The following ITPR1 variants were observed in gnomAD, a reference collection of about 807,000 sequenced individuals.
ITPR1 encodes inositol 1,4,5-trisphosphate receptor type 1, also known as inositol 1,4,5-trisphosphate-gated calcium channel ITPR1.
In ITPR1, 96 loss-of-function variants were observed where a neutral mutation model predicts 318.4. The observed-to-expected ratio is 0.30, with a 90% confidence interval of 0.26 to 0.36. The LOEUF is 0.36. ITPR1 is among the 10% of genes least tolerant of loss of function. The probability of loss-of-function intolerance (pLI) is 1.00; values close to 1 mark genes in which losing one functional copy is unlikely to be tolerated. For synonymous variants in ITPR1, 1,312 were observed against 1,289.9 expected, an observed-to-expected ratio of 1.02 and a Z score of -0.37; for missense variants, 2,440 against 3,460.2, an observed-to-expected ratio of 0.71 and a Z score of 7.40.
intron 12 of ITPR1, among the ~76,000 whole-genome samples, chr3:4,657,562 G>A (rs1022092511): frequency 2.0e-5 from 3 of 151,504 alleles, no homozygotes; most frequent in African/African-American, 4.9e-5. Flanking sequence ...CTGCCGCCCA[G>A]GTTCAAGTGA....
chr3:4,657,296 A>G (rs1335181222), intron 12 of ITPR1, among the ~76,000 whole-genome samples: 1 of 152,014 alleles, frequency 6.6e-6, no homozygotes, highest in African/African-American at 2.4e-5. Context: ...TTATCACTGT[A>G]GATGAATCCA....
At chr3:4,761,038 A>T (rs1015192552) in intron 44 of ITPR1, among the ~76,000 whole-genome samples, 1 of 152,116 alleles carries the variant, frequency 6.6e-6, no homozygotes, top group African/African-American at 2.4e-5. Context: ...CCTAATCAAG[A>T]CATTTATTTT....
intron 4 of ITPR1, among the ~76,000 whole-genome samples, chr3:4,566,604 GCACACACACACA>G (rs57756103): frequency 8.5e-5 from 12 of 140,898 alleles, no homozygotes; most frequent in Non-Finnish European, 1.2e-4. Context: ...GGGGACACAT[GCACACACACACA>G]CACACACACA....
rs982054565 is a variant in ITPR1 at position 4,690,911 on chromosome 3, T to G, written c.3829-233T>G. Among the ~76,000 whole-genome samples the G allele has an allele frequency of 3.9e-5, 6 of 152,354 alleles. No homozygotes were observed. In the South Asian group the frequency reaches 1.2e-3, roughly 32 times the overall value. ...TGTTCAAGGTCCCTTTATAATCTATTCAGCTGAATGCTAATGAGTTGTTTA... is the reference window on the plus strand; with the variant it reads ...TGTTCAAGGTCCCTTTATAATCTATGCAGCTGAATGCTAATGAGTTGTTTA... On this transcript the variant is annotated intron_variant, in intron 31 of 61. Coordinates refer to ENST00000649015, the MANE Select transcript of ITPR1 (RefSeq NM_001378452.1).
intron 15 of ITPR1, among the ~76,000 whole-genome samples, 153 bp from the exon 16 acceptor site, chr3:4,662,912 A>G (rs1218499270): frequency 6.6e-6 from 1 of 152,028 alleles, no homozygotes; most frequent in Non-Finnish European, 1.5e-5. Context: ...ACTCTCTTTG[A>G]TACTTGGCTT....
rs557822124 is a variant in ITPR1, at chr3:4,714,285, T to C, written c.5103+2417T>C. 5.3e-5 allele frequency among the ~76,000 whole-genome samples: 8 copies of C among 152,220 alleles called. No individual in the cohort carries two copies. In the South Asian group the frequency reaches 1.7e-3, roughly 32 times the overall value. ...ATAATAAATGAGGTGTTCTTTGGCC[T>C]GGGTGCTGAGGACGACACCACGGTG... On this transcript the variant is annotated intron_variant, in intron 39 of 61. Coordinates refer to ENST00000649015, the MANE Select transcript of ITPR1 (RefSeq NM_001378452.1).
At chr3:4,789,701 C>A (rs1346669467) in intron 52 of ITPR1, among the ~76,000 whole-genome samples, 1 of 152,134 alleles carries the variant, frequency 6.6e-6, no homozygotes, top group Non-Finnish European at 1.5e-5. Flanking sequence ...GTCACTGCAA[C>A]CTCCACCTCC....
chr3:4,671,820 T>C (rs901856), intron 20 of ITPR1: 129,811 of 152,286 alleles, frequency 0.85, 55,493 homozygotes, highest in Non-Finnish European at 0.88. Flanking sequence ...CTTTCATTCA[T>C]GTGTGATGTA....
At chr3:4,818,891 G>T (rs886975834) in intron 60 of ITPR1, among the ~76,000 whole-genome samples, 1 of 152,168 alleles carries the variant, frequency 6.6e-6, no homozygotes, top group Admixed American at 6.5e-5. Context: ...GGTGTCCCGG[G>T]CCAGCTGTCC....
At chr3:4,509,803 A>G (rs1329467343) in intron 2 of ITPR1, among the ~76,000 whole-genome samples, 2 of 152,202 alleles carry the variant, frequency 1.3e-5, no homozygotes, top group African/African-American at 2.4e-5. Flanking sequence ...ACTCTAAAAA[A>G]CAAAACCAGT....
chr3:4,730,155 A>G (rs139764603), intron 42 of ITPR1, among the ~76,000 whole-genome samples: 6 of 148,622 alleles, frequency 4.0e-5, no homozygotes, highest in East Asian at 1.9e-4. Flanking sequence ...TTCCTTTTCT[A>G]TCCCCTCTTA....
chr3:4,787,049 A>T (rs1162013108), intron 51 of ITPR1, among the ~76,000 whole-genome samples: 1 of 152,128 alleles, frequency 6.6e-6, no homozygotes, highest in African/African-American at 2.4e-5. Context: ...AATAAAATTA[A>T]ATATTCTGCC....
chr3:4,567,740 T>C (rs2087492168), intron 4 of ITPR1, among the ~76,000 whole-genome samples: 1 of 152,158 alleles, frequency 6.6e-6, no homozygotes, highest in Non-Finnish European at 1.5e-5. Flanking sequence ...TAGCTGGGAC[T>C]ACAGGCATGC....
chr3:4,782,944 A>G (rs1374395714), intron 50 of ITPR1, among the ~76,000 whole-genome samples: 3 of 152,204 alleles, frequency 2.0e-5, no homozygotes, highest in African/African-American at 7.2e-5. Flanking sequence ...CCACAGTGAT[A>G]GGGTCATGTA....
chr3:4,594,313 C>G (rs80253153), intron 4 of ITPR1, among the ~76,000 whole-genome samples: 1 of 152,160 alleles, frequency 6.6e-6, no homozygotes, highest in African/African-American at 2.4e-5. Flanking sequence ...AAAATCCCAT[C>G]GTGATGGGCT....
At chr3:4,705,675 C>T (rs761692561) in intron 36 of ITPR1, among the ~76,000 whole-genome samples, 5 of 152,042 alleles carry the variant, frequency 3.3e-5, no homozygotes, top group South Asian at 4.1e-4. Context: ...TTTTTTAAGA[C>T]GAAGAAAGAA....
At chr3:4,656,906 G>A (rs1485790633) in intron 12 of ITPR1, among the ~76,000 whole-genome samples, 5 of 152,212 alleles carry the variant, frequency 3.3e-5, no homozygotes, top group East Asian at 1.9e-4. Flanking sequence ...CGGGCTGAGC[G>A]CGAGCTGGCC....
At chr3:4,662,288 A>G in intron 15 of ITPR1, 46 bp downstream of exon 15, 1 of 1,429,930 alleles carries the variant, frequency 7.0e-7, no homozygotes, top group Non-Finnish European at 9.3e-7. Flanking sequence ...CCGCACTGAG[A>G]GTTTCTGACA....
At chr3:4,595,015 G>A (rs1367365179) in intron 4 of ITPR1, among the ~76,000 whole-genome samples, 4 of 152,144 alleles carry the variant, frequency 2.6e-5, no homozygotes, top group African/African-American at 4.8e-5. Flanking sequence ...TTTGCCTGAT[G>A]TATGACTTGG....
Sources: gnomAD v4.1 joint callset for allele counts (sites outside exome capture counted in the v4.1 genomes callset) on GRCh38, gnomAD v4.1.1 for gene constraint, MANE v1.5 for transcripts, NCBI Gene and HGNC (gene_info 2026-07-23, HGNC 2026-07-21) for gene names.